The following PCLO variants were observed in gnomAD, a reference collection of about 807,000 sequenced individuals.
The protein encoded by PCLO is protein piccolo.
A neutral mutation model predicts 427.5 loss-of-function variants in PCLO; 82 were observed. The ratio of observed to expected loss-of-function variants is 0.19; its 90% CI spans 0.16 to 0.23. PCLO has a LOEUF of 0.23. Ranked by LOEUF, PCLO falls within the 10% of genes least tolerant of loss-of-function variation. PCLO has a pLI of 1.00. For synonymous variants in PCLO, 2,357 were observed against 2,155.4 expected (o/e 1.09, Z -2.59); for missense variants, 6,239 against 6,115.9 (o/e 1.02, Z -0.67).
rs1266229804 is a variant in PCLO at position 82,953,928 on chromosome 7, T to C, written c.7025A>G (p.His2342Arg). 1.9e-6 allele frequency: 3 copies of C among 1,613,784 alleles called. No individual in the cohort carries two copies. The Admixed American group carries it at 5.0e-5, about 27-fold the overall frequency. Reference protein sequence around the residue: ...KSSLSETVFDHPPSSVIALPM... With the variant: ...KSSLSETVFDRPPSSVIALPM... The stretch of plus-strand genomic sequence containing the variant: ...AAGGGCTATTACAGAAGAAGGTGGG[T>C]GATCAAACACGGTTTCGGATAAGCT... The change falls in exon 5 of 25, where the codon CAC becomes CGC. Residue 2342 changes from histidine to arginine, a missense_variant. By Grantham distance (29) the His-to-Arg change is conservative. This residue lies in a region of PCLO where 4,677 missense variants were observed against 4,468.4 expected (regional missense o/e 1.05). Coordinates refer to ENST00000333891, the MANE Select transcript of PCLO (RefSeq NM_033026.6).
intron 6 of PCLO, among the ~76,000 whole-genome samples, chr7:82,934,619 T>C (rs1021503759): frequency 6.6e-6 from 1 of 151,698 alleles, no homozygotes; most frequent in Admixed American, 6.6e-5. Context: ...TTCTACAGTA[T>C]GGTGGCTTCA....
chr7:83,008,459 A>G (rs1390204636), intron 3 of PCLO, among the ~76,000 whole-genome samples: 3 of 151,750 alleles, frequency 2.0e-5, no homozygotes, highest in East Asian at 1.9e-4. Context: ...ACCTAATCCT[A>G]TAAGGTGGAC....
At chr7:82,944,921 T>C (rs1795166329) in intron 6 of PCLO, among the ~76,000 whole-genome samples, 2 of 152,200 alleles carry the variant, frequency 1.3e-5, no homozygotes, top group African/African-American at 2.4e-5. Flanking sequence ...CTCTCTTACA[T>C]AAAATATTCC....
chr7:82,817,229 A>T (rs1741224389), intron 20 of PCLO, among the ~76,000 whole-genome samples: 1 of 152,178 alleles, frequency 6.6e-6, no homozygotes, highest in South Asian at 2.1e-4. Context: ...TTTTTATTTT[A>T]AACTGCTCAA....
chr7:83,141,191 A>T (rs964672998), intron 2 of PCLO, among the ~76,000 whole-genome samples: 46 of 152,194 alleles, frequency 3.0e-4, no homozygotes, highest in African/African-American at 8.4e-4. Flanking sequence ...GGAGAAACGG[A>T]ATAAACTCTA....
intron 3 of PCLO, among the ~76,000 whole-genome samples, chr7:83,057,348 A>ATATATATATATATATT (rs1392338061): frequency 1.5e-4 from 3 of 19,632 alleles, no homozygotes; most frequent in African/African-American, 5.1e-4. Context: ...ATATATATAT[A>ATATATATATATATATT]TTTTTTTTTT....
At chr7:83,158,531 AT>A (rs979057780) in intron 1 of PCLO, among the ~76,000 whole-genome samples, 7 of 151,834 alleles carry the variant, frequency 4.6e-5, no homozygotes, top group Admixed American at 1.3e-4. Context: ...CAAAAAAAAA[AT>A]CTACCTTAAT....
At chr7:82,805,180 A>C (rs1406348999) in intron 21 of PCLO, among the ~76,000 whole-genome samples, 2 of 152,116 alleles carry the variant, frequency 1.3e-5, no homozygotes, top group Non-Finnish European at 2.9e-5. Flanking sequence ...TTGTTCTAGA[A>C]AGTATGGAAA....
intron 3 of PCLO, among the ~76,000 whole-genome samples, chr7:83,044,549 C>T (rs1789058853): frequency 6.6e-6 from 1 of 151,970 alleles, no homozygotes; most frequent in African/African-American, 2.4e-5. Context: ...TTTAACAGTT[C>T]CTAAGTCGGT....
intron 3 of PCLO, among the ~76,000 whole-genome samples, chr7:83,061,863 A>G (rs936548711): frequency 6.6e-6 from 1 of 152,190 alleles, no homozygotes; most frequent in African/African-American, 2.4e-5. Context: ...CTTTGAATAC[A>G]TACGAAATGA....
At chr7:82,848,444 G>A (rs886558790) in intron 10 of PCLO, among the ~76,000 whole-genome samples, 9 of 151,250 alleles carry the variant, frequency 6.0e-5, no homozygotes, top group Non-Finnish European at 8.8e-5. Flanking sequence ...CCAAGTAGCT[G>A]GGATTACAGG....
intron 3 of PCLO, among the ~76,000 whole-genome samples, chr7:83,007,768 T>C (rs1316269218): frequency 6.6e-6 from 1 of 151,528 alleles, no homozygotes; most frequent in Non-Finnish European, 1.5e-5. Context: ...GTTCACTGAG[T>C]AGAACCTCTC....
chr7:82,798,426 CA>C (rs1365768997), intron 22 of PCLO, among the ~76,000 whole-genome samples: 2 of 152,068 alleles, frequency 1.3e-5, no homozygotes, highest in Admixed American at 1.3e-4. Flanking sequence ...TCACTGACAA[CA>C]AAGGCAAATA....
At position 83,155,517 on chromosome 7, in the gene PCLO, T is replaced by TGAGCTGGAGGCTTGGCAGGACCAAGAG; in HGVS notation, c.1123_1124insCTCTTGGTCCTGCCAAGCCTCCAGCTC (p.Gln374_Gln375insProLeuGlyProAlaLysProProAla). 6.2e-7 allele frequency: 1 copy of TGAGCTGGAGGCTTGGCAGGACCAAGAG among 1,609,454 alleles called. No homozygotes were observed. The highest frequency in any genetic ancestry group is 8.5e-7 in the Non-Finnish European group (1 of 1,176,734). ...CGATGAAGGCTTCTCTGACCCAGTC[T>TGAGCTGGAGGCTTGGCAGGACCAAGAG]GCTGAGCTGGAGGCTTAGCAGGACC... On this transcript the variant is annotated inframe_insertion, in exon 2 of 25. Transcript: ENST00000333891.
chr7:83,156,379 C>T lies in PCLO; in HGVS notation c.262G>A (p.Asp88Asn). 6.4e-7 allele frequency: 1 copy of T among 1,551,592 alleles called. No homozygotes were observed. The highest frequency in any genetic ancestry group is 8.7e-7 in the Non-Finnish European group (1 of 1,144,020). The change falls in exon 2 of 25, where the codon GAT (aspartate) becomes AAT (asparagine). Residue 88 changes from aspartate to asparagine, a missense_variant. Asp to Asn is a conservative substitution (Grantham distance 23). Transcript: ENST00000333891. Reference protein sequence around the residue: ...SPSMHRKQELDSSHPPKQSGR... With the variant: ...SPSMHRKQELNSSHPPKQSGR... Reference sequence around the variant, plus strand: ...GATTGCTTTGGAGGATGACTACTATCCAACTCTTGTTTCCTAGAAGAGTTA... The same window carrying T: ...GATTGCTTTGGAGGATGACTACTATTCAACTCTTGTTTCCTAGAAGAGTTA...
At chr7:83,102,507 C>T (rs537768370) in intron 3 of PCLO, among the ~76,000 whole-genome samples, 268 of 152,060 alleles carry the variant, frequency 1.8e-3, no homozygotes, top group African/African-American at 6.1e-3. Flanking sequence ...TGGAAAAATA[C>T]AGACTTCGGA....
intron 9 of PCLO, among the ~76,000 whole-genome samples, chr7:82,890,967 G>A (rs746019018): frequency 9.2e-5 from 14 of 151,556 alleles, no homozygotes; most frequent in South Asian, 4.2e-4. Flanking sequence ...ATTTTCTTTG[G>A]ATTTTTGCAT....
At chr7:82,957,890 G>A (rs2115590513) in intron 4 of PCLO, among the ~76,000 whole-genome samples, 1 of 152,312 alleles carries the variant, frequency 6.6e-6, no homozygotes, top group South Asian at 2.1e-4. Context: ...CCTTGAACTT[G>A]TTGCCTTTCT....
chr7:83,135,667 T>A lies in PCLO; in HGVS notation c.1894-11A>T. On this transcript the variant is annotated splice_polypyrimidine_tract_variant and intron_variant, in intron 2 of 24. Coordinates refer to ENST00000333891, the MANE Select transcript of PCLO (RefSeq NM_033026.6). The stretch of plus-strand genomic sequence containing the variant: ...GAGCCACTCTTTTACCTACAAATAA[T>A]ATAAAACAATGGTCACCGAGACAAT... The A allele has an allele frequency of 6.6e-7, 1 of 1,524,524 alleles. No homozygotes were observed. Among genetic ancestry groups the A allele is most frequent in the Non-Finnish European group, 8.9e-7 (1 of 1,127,088 alleles). 94.4% of individuals were successfully genotyped at this position (1,524,524 alleles called of 1,614,324 possible).
Sources: gnomAD v4.1 joint callset for allele counts (sites outside exome capture counted in the v4.1 genomes callset) on GRCh38, gnomAD v4.1.1 for gene constraint, gnomAD v4.1.1 regional missense constraint, MANE v1.5 for transcripts, NCBI Gene and HGNC (gene_info 2026-07-23, HGNC 2026-07-21) for gene names.